RFFL: variants seen among roughly 807,000 people sequenced by gnomAD.
RFFL encodes E3 ubiquitin-protein ligase rififylin.
RFFL carries 16 observed loss-of-function variants against 40.4 expected under a neutral mutation model. That is an observed-to-expected ratio of 0.40 (90% CI 0.27 to 0.60). RFFL has a LOEUF of 0.60. RFFL is among the 20% of genes least tolerant of loss of function. The probability of loss-of-function intolerance (pLI) is 0.47; values close to 1 mark genes in which losing one functional copy is unlikely to be tolerated. For synonymous variants in RFFL, 154 were observed against 167.9 expected, an observed-to-expected ratio of 0.92 and a Z score of 0.64; for missense variants, 367 against 451.7, an observed-to-expected ratio of 0.81 and a Z score of 1.70.
Position 35,011,823 on chromosome 17 carries a change from A to G in RFFL, c.*145T>C, listed in dbSNP as rs2090940436. 2 of 740,210 alleles carry G rather than the reference A, an allele frequency of 2.7e-6. No individual in the cohort carries two copies. The highest frequency in any genetic ancestry group is 4.5e-6 in the Non-Finnish European group (2 of 445,246). 45.9% of individuals were successfully genotyped at this position (740,210 alleles called of 1,614,324 possible). Reference sequence around the variant, plus strand: ...CACCCCTGGGAAGACAGGCATGCTCAGGGGTGACATGGCATCTTGCTTGAC... The same window carrying G: ...CACCCCTGGGAAGACAGGCATGCTCGGGGGTGACATGGCATCTTGCTTGAC... On this transcript the variant is annotated 3_prime_UTR_variant, in exon 7 of 7. Transcript: ENST00000394597.
At chr17:35,033,544 A>T (rs1476496625) in intron 1 of RFFL, among the ~76,000 whole-genome samples, 1 of 150,994 alleles carries the variant, frequency 6.6e-6, no homozygotes, top group Non-Finnish European at 1.5e-5. Context: ...TAAATAAATA[A>T]ATAAATACAT....
intron 1 of RFFL, among the ~76,000 whole-genome samples, chr17:35,044,366 C>T (rs1013101751): frequency 6.6e-6 from 1 of 152,204 alleles, no homozygotes; most frequent in African/African-American, 2.4e-5. Context: ...AATGAGCCAG[C>T]GCACCTGGTC....
chr17:35,076,943 G>C (rs1017887393), intron 1 of RFFL: 1 of 290,620 alleles, frequency 3.4e-6, no homozygotes, highest in Non-Finnish European at 7.0e-6. Context: ...TTCGGGCATG[G>C]ATTCTGTGAA....
At chr17:35,075,986 CT>C (rs35996071) in intron 1 of RFFL, among the ~76,000 whole-genome samples, 9,179 of 80,148 alleles carry the variant, frequency 0.11, 96 homozygotes, top group Non-Finnish European at 0.15. Flanking sequence ...TCAATTTATT[CT>C]TTTTTTTTTT....
chr17:35,048,428 A>G (rs1192139638), intron 1 of RFFL, among the ~76,000 whole-genome samples: 1 of 152,104 alleles, frequency 6.6e-6, no homozygotes, highest in Non-Finnish European at 1.5e-5. Context: ...AATTAATTAA[A>G]AAAATAAAAA....
chr17:35,069,001 A>G (rs917427609), intron 1 of RFFL, among the ~76,000 whole-genome samples: 2 of 152,156 alleles, frequency 1.3e-5, no homozygotes. Flanking sequence ...CCTGTCATCA[A>G]ACTCCATCAC....
chr17:35,014,531 T>G (rs569973056), intron 6 of RFFL, among the ~76,000 whole-genome samples: 1 of 152,210 alleles, frequency 6.6e-6, no homozygotes, highest in Admixed American at 6.5e-5. Flanking sequence ...AGTCCGCCCC[T>G]ACGTATGCTC....
At chr17:35,082,598 C>G (rs1208451526) in intron 1 of RFFL, among the ~76,000 whole-genome samples, 1 of 152,172 alleles carries the variant, frequency 6.6e-6, no homozygotes. Context: ...TCTAAAAGAG[C>G]TGACTGAATA....
At chr17:35,018,855 T>TCC (rs1446381596) in intron 3 of RFFL, 2 of 152,240 alleles carry the variant, frequency 1.3e-5, no homozygotes, top group African/African-American at 4.8e-5. Context: ...TACCCTGGAA[T>TCC]CCTTCAGAGC....
intron 1 of RFFL, among the ~76,000 whole-genome samples, chr17:35,029,554 C>G (rs904499359): frequency 6.9e-6 from 1 of 145,982 alleles, no homozygotes. Flanking sequence ...GGAGTCTTGC[C>G]CTGTCGCCCA....
intron 1 of RFFL, among the ~76,000 whole-genome samples, chr17:35,078,235 A>T (rs1054269418): frequency 7.9e-5 from 12 of 152,280 alleles, no homozygotes; most frequent in Admixed American, 3.3e-4. Context: ...TAACCTTACT[A>T]AAGACTTCAG....
chr17:35,021,332 A>G, intron 3 of RFFL, 39 bp downstream of exon 3: 1 of 1,505,244 alleles, frequency 6.6e-7, no homozygotes, highest in South Asian at 1.4e-5. Context: ...GAGCCCTCAA[A>G]CTGGCACAGA....
chr17:35,011,900 G>A lies in RFFL; in HGVS notation c.*68C>T, dbSNP rs1324849000. 2 of 1,513,224 alleles carry A rather than the reference G, an allele frequency of 1.3e-6. No homozygotes were observed. Among genetic ancestry groups the A allele is most frequent in the Admixed American group, 3.5e-5 (2 of 56,362 alleles). 93.7% of individuals were successfully genotyped at this position (1,513,224 alleles called of 1,614,324 possible). ...CTACTAGCTTGCTCCTCTGCAAGCT[G>A]GCCAACCCTGAGCCCAGACACCCCA... On this transcript the variant is annotated 3_prime_UTR_variant, in exon 7 of 7. Coordinates refer to ENST00000394597, the MANE Select transcript of RFFL (RefSeq NM_001017368.2).
At chr17:35,060,018 A>C (rs1398025443) in intron 1 of RFFL, among the ~76,000 whole-genome samples, 1 of 152,214 alleles carries the variant, frequency 6.6e-6, no homozygotes, top group Non-Finnish European at 1.5e-5. Context: ...TTAGCACTCC[A>C]AAAGTTGTGA....
intron 1 of RFFL, among the ~76,000 whole-genome samples, chr17:35,060,602 A>G (rs756725146): frequency 1.3e-5 from 2 of 152,346 alleles, no homozygotes; most frequent in Non-Finnish European, 2.9e-5. Flanking sequence ...AAATGTCGTG[A>G]TATTGCGGGA....
At chr17:35,024,019 G>A (rs767295126) in intron 2 of RFFL, among the ~76,000 whole-genome samples, 5 of 152,190 alleles carry the variant, frequency 3.3e-5, no homozygotes, top group Admixed American at 6.5e-5. Context: ...AAATTCTGCC[G>A]AATGGTTCAA....
intron 1 of RFFL, among the ~76,000 whole-genome samples, chr17:35,088,127 CA>C (rs1224700505): frequency 6.6e-6 from 1 of 152,160 alleles, no homozygotes; most frequent in African/African-American, 2.4e-5. Context: ...AACCAATAAT[CA>C]AAGGGATACA....
At chr17:35,039,197 G>A (rs2091146133) in intron 1 of RFFL, among the ~76,000 whole-genome samples, 1 of 151,366 alleles carries the variant, frequency 6.6e-6, no homozygotes. Context: ...ATGGGCCCCT[G>A]CACCCAGCCC....
chr17:35,055,688 ACAAAC>A (rs2091256996), intron 1 of RFFL, among the ~76,000 whole-genome samples: 2 of 146,390 alleles, frequency 1.4e-5, no homozygotes, highest in African/African-American at 5.5e-5. Context: ...AAACAAACAA[ACAAAC>A]AAACAAAAAA....
Sources: gnomAD v4.1 joint callset for allele counts (sites outside exome capture counted in the v4.1 genomes callset) on GRCh38, gnomAD v4.1.1 for gene constraint, MANE v1.5 for transcripts, NCBI Gene and HGNC (gene_info 2026-07-23, HGNC 2026-07-21) for gene names.